The following ZNF704 variants were observed in gnomAD, a reference collection of about 807,000 sequenced individuals.
The protein encoded by ZNF704 is glucocorticoid induced gene 1.
In ZNF704, 10 loss-of-function variants were observed where a neutral mutation model predicts 44.7. The ratio of observed to expected loss-of-function variants is 0.22; its 90% confidence interval spans 0.14 to 0.38. The LOEUF (loss-of-function observed/expected upper bound fraction) is 0.38, where lower values mean the gene tolerates loss of function less well. ZNF704 is among the 10% of genes least tolerant of loss of function. The pLI, the probability that ZNF704 is intolerant of heterozygous loss-of-function variation, is 1.00. For synonymous variants in ZNF704, 211 were observed against 207.6 expected (o/e 1.02, Z -0.14); for missense variants, 390 against 545.5 (o/e 0.71, Z 2.84).
intron 1 of ZNF704, among the ~76,000 whole-genome samples, chr8:80,862,953 G>GC (rs908052738): frequency 1.3e-5 from 2 of 150,210 alleles, no homozygotes; most frequent in East Asian, 3.9e-4. Context: ...CCCTTCAAAT[G>GC]CCCCCCCTTT....
At chr8:80,664,584 C>A (rs1430916365) in intron 6 of ZNF704, among the ~76,000 whole-genome samples, 1 of 152,162 alleles carries the variant, frequency 6.6e-6, no homozygotes, top group African/African-American at 2.4e-5. Context: ...TTTTTATCAT[C>A]ATAACAATCT....
chr8:80,842,147 T>G (rs982167853), intron 1 of ZNF704, among the ~76,000 whole-genome samples: 4 of 151,968 alleles, frequency 2.6e-5, no homozygotes, highest in African/African-American at 7.3e-5. Flanking sequence ...ACTATAAATA[T>G]CCCAGGAAAA....
chr8:80,663,896 A>ACATTAGGGATT, intron 6 of ZNF704, among the ~76,000 whole-genome samples: 1 of 151,006 alleles, frequency 6.6e-6, no homozygotes, highest in African/African-American at 2.4e-5. Context: ...TGCCTGGCTA[A>ACATTAGGGATT]TTTTTGTATT....
At chr8:80,656,038 G>A (rs1324591168) in intron 7 of ZNF704, among the ~76,000 whole-genome samples, 3 of 152,196 alleles carry the variant, frequency 2.0e-5, no homozygotes, top group Admixed American at 6.5e-5. Flanking sequence ...TGGACATAGG[G>A]CCTTTAAGGA....
intron 4 of ZNF704, 101 bp downstream of exon 4, chr8:80,687,125 G>A: frequency 1.1e-6 from 1 of 917,360 alleles, no homozygotes; most frequent in South Asian, 1.6e-5. Context: ...TCCACAGAAA[G>A]GGGGTGTAGG....
intron 7 of ZNF704, among the ~76,000 whole-genome samples, chr8:80,653,671 C>T (rs1412097310): frequency 1.3e-5 from 2 of 152,084 alleles, no homozygotes; most frequent in Non-Finnish European, 2.9e-5. Flanking sequence ...CTACAAACCA[C>T]TGCTCAATGA....
In ZNF704 at chr8:80,853,073, G is replaced by C. The variant is rs148797092; in HGVS notation, c.-22+21498C>G. On this transcript the variant is annotated intron_variant, in intron 1 of 8. Coordinates refer to ENST00000327835, the MANE Select transcript of ZNF704 (RefSeq NM_001033723.3). ...CTTGTGGTCTGCTAGGACATACACA[G>C]AAAGAATCTGTGAAAGGCGCATTGG... Among the ~76,000 whole-genome samples the C allele has an allele frequency of 1.2e-4, 18 of 152,276 alleles. No homozygotes were observed. In the South Asian group the frequency reaches 1.7e-3, roughly 14 times the overall value.
intron 2 of ZNF704, among the ~76,000 whole-genome samples, chr8:80,698,062 T>A (rs765126568): frequency 2.6e-5 from 4 of 152,182 alleles, no homozygotes; most frequent in Non-Finnish European, 5.9e-5. Context: ...CTAGAGTGCT[T>A]GTTTGGATTC....
chr8:80,808,104 T>C (rs1226285722), intron 2 of ZNF704, among the ~76,000 whole-genome samples: 1 of 152,136 alleles, frequency 6.6e-6, no homozygotes, highest in East Asian at 1.9e-4. Flanking sequence ...ATGGGGTAAG[T>C]CCAAAGACTT....
chr8:80,830,999 C>T (rs1243660959), intron 1 of ZNF704, among the ~76,000 whole-genome samples: 5 of 152,028 alleles, frequency 3.3e-5, no homozygotes, highest in African/African-American at 7.2e-5. Flanking sequence ...CGTGATCTGC[C>T]CACCTCAGCC....
At chr8:80,819,322 C>A (rs970420383) in intron 2 of ZNF704, among the ~76,000 whole-genome samples, 1 of 152,062 alleles carries the variant, frequency 6.6e-6, no homozygotes, top group Non-Finnish European at 1.5e-5. Context: ...CAGAAAACAT[C>A]TTTCTTCTTC....
At position 80,757,130 on chromosome 8, in the gene ZNF704, C is replaced by T. The variant is rs116309195; in HGVS notation, c.222-64023G>A. On this transcript the variant is annotated intron_variant, in intron 2 of 8. Coordinates refer to ENST00000327835, the MANE Select transcript of ZNF704 (RefSeq NM_001033723.3). ...AAATAAAAGTTAACCATAAAACAGC[C>T]TGAGGCAGGTCCTTTAGAGGTATTT... 5.4e-3 allele frequency among the ~76,000 whole-genome samples: 821 copies of T among 152,206 alleles called. 7 individuals are homozygous for T. Among genetic ancestry groups the T allele is most frequent in the African/African-American group, 0.019 (793 of 41,516 alleles).
intron 2 of ZNF704, among the ~76,000 whole-genome samples, chr8:80,716,668 T>C (rs965771442): frequency 1.3e-5 from 2 of 152,222 alleles, no homozygotes; most frequent in Admixed American, 1.3e-4. Context: ...TTTAAACTGT[T>C]TTTGTTCATA....
At chr8:80,693,472 A>C (rs1180458120) in intron 2 of ZNF704, among the ~76,000 whole-genome samples, 2 of 152,198 alleles carry the variant, frequency 1.3e-5, no homozygotes, top group Non-Finnish European at 2.9e-5. Flanking sequence ...ATCAGGAAAC[A>C]AACAAGCTAG....
intron 1 of ZNF704, among the ~76,000 whole-genome samples, chr8:80,866,725 G>GC (rs1809161198): frequency 6.6e-6 from 1 of 150,792 alleles, no homozygotes; most frequent in Admixed American, 6.6e-5. Context: ...CGGGGTTGGG[G>GC]GGGGGATACA....
At chr8:80,746,601 A>G (rs941363117) in intron 2 of ZNF704, among the ~76,000 whole-genome samples, 1 of 152,170 alleles carries the variant, frequency 6.6e-6, no homozygotes, top group Admixed American at 6.5e-5. Flanking sequence ...GCTGGGTATT[A>G]CACTAAGTTT....
At chr8:80,875,709 G>A (rs1397626546), upstream of ZNF704, among the ~76,000 whole-genome samples, 1 of 152,186 alleles carries the variant, frequency 6.6e-6, no homozygotes, top group African/African-American at 2.4e-5. Flanking sequence ...ACCTCCGTGG[G>A]GCCAGAATAA....
chr8:80,738,548 A>G (rs1213727371), intron 2 of ZNF704, among the ~76,000 whole-genome samples: 3 of 151,426 alleles, frequency 2.0e-5, no homozygotes, highest in Non-Finnish European at 4.4e-5. Flanking sequence ...GGCATTTGAC[A>G]TGAGGTTGGT....
intron 2 of ZNF704, among the ~76,000 whole-genome samples, chr8:80,758,767 C>T (rs1286520371): frequency 6.6e-6 from 1 of 152,100 alleles, no homozygotes; most frequent in African/African-American, 2.4e-5. Flanking sequence ...AAATCAGGTG[C>T]ATTTTATAAT....
Sources: allele counts gnomAD v4.1 joint callset (sites outside exome capture counted in the v4.1 genomes callset), GRCh38; gene constraint gnomAD v4.1.1; transcripts MANE v1.5; gene names NCBI Gene and HGNC (gene_info 2026-07-23, HGNC 2026-07-21).